RBFOX1: variants seen among roughly 807,000 people sequenced by gnomAD.
The protein encoded by RBFOX1 is RNA binding fox-1 homolog 1.
In RBFOX1, 8 loss-of-function variants were observed where a neutral mutation model predicts 57.7. That is an observed-to-expected ratio of 0.14 (90% confidence interval 0.08 to 0.25). The LOEUF is 0.25. Ranked by LOEUF, RBFOX1 falls within the 10% of genes least tolerant of loss-of-function variation. The pLI, the probability that RBFOX1 is intolerant of heterozygous loss-of-function variation, is 1.00. For missense variants in RBFOX1, 611 were observed against 548.5 expected (o/e 1.11, Z -1.14); for synonymous variants, 326 against 222.4 (o/e 1.47, Z -4.15).
rs184511144 is a variant in RBFOX1, at chr16:7,331,361, T to G, written c.28-186786T>G. 2.6e-3 allele frequency among the ~76,000 whole-genome samples: 392 copies of G among 152,286 alleles called. 4 individuals are homozygous for G. The highest frequency in any genetic ancestry group is 8.6e-3 in the African/African-American group (357 of 41,566). Reference sequence around the variant, plus strand: ...GAATGTTTCATTTTGAAGGTGATTTTCAGTGATTCCTGGGACTTGGGCATT... The same window carrying G: ...GAATGTTTCATTTTGAAGGTGATTTGCAGTGATTCCTGGGACTTGGGCATT... On this transcript the variant is annotated intron_variant, in intron 4 of 15. Coordinates refer to ENST00000550418, the MANE Select transcript of RBFOX1 (RefSeq NM_018723.4).
chr16:7,238,537 C>CA (rs35394472), intron 4 of RBFOX1, among the ~76,000 whole-genome samples: 101,107 of 151,984 alleles, frequency 0.67, 35,837 homozygotes, highest in African/African-American at 0.92. Flanking sequence ...TTGGGCTACA[C>CA]ACGCACCTTT....
intron 2 of RBFOX1, among the ~76,000 whole-genome samples, chr16:6,548,688 T>G (rs779229185): frequency 1.3e-5 from 2 of 152,150 alleles, no homozygotes; most frequent in Non-Finnish European, 2.9e-5. Context: ...GTCAGAAGAT[T>G]TCACGATGTC....
At chr16:5,333,273 A>C (rs1024958754) in intron 1 of RBFOX1, among the ~76,000 whole-genome samples, 1 of 152,220 alleles carries the variant, frequency 6.6e-6, no homozygotes, top group Non-Finnish European at 1.5e-5. Context: ...TCTGTGATTT[A>C]AATTTGGTTC....
At chr16:7,649,999 A>AGAGGAGGAGGG (rs1204826265) in intron 11 of RBFOX1, among the ~76,000 whole-genome samples, 1 of 52,468 alleles carries the variant, frequency 1.9e-5, no homozygotes, top group Non-Finnish European at 4.7e-5. Flanking sequence ...GGAGAAAGGA[A>AGAGGAGGAGGG]AAGGAGGAGG....
At chr16:7,529,915 A>C (rs192994772) in intron 5 of RBFOX1, among the ~76,000 whole-genome samples, 1 of 151,040 alleles carries the variant, frequency 6.6e-6, no homozygotes, top group East Asian at 2.0e-4. Context: ...AGGCGGAGGC[A>C]GGAGAATCAC....
At position 7,483,593 on chromosome 16, in the gene RBFOX1, G is replaced by A. The variant is rs577246293; in HGVS notation, c.28-34554G>A. Among the ~76,000 whole-genome samples, 7 of 152,254 alleles carry A rather than the reference G, an allele frequency of 4.6e-5. No individual in the cohort carries two copies. In the South Asian group the frequency reaches 1.5e-3, roughly 32 times the overall value. On this transcript the variant is annotated intron_variant, in intron 4 of 15. Coordinates refer to ENST00000550418, the MANE Select transcript of RBFOX1 (RefSeq NM_018723.4). Reference sequence around the variant, plus strand: ...CCTGAGGGTGGAGGTTTGAATTGAGGATACAGATAGGACAGTGTTCTTATT... The same window carrying A: ...CCTGAGGGTGGAGGTTTGAATTGAGAATACAGATAGGACAGTGTTCTTATT...
chr16:5,572,039 A>G (rs557952752), intron 2 of RBFOX1, among the ~76,000 whole-genome samples: 161 of 152,278 alleles, frequency 1.1e-3, no homozygotes, highest in Non-Finnish European at 2.0e-3. Context: ...GAGGAACACA[A>G]GAAGCCCTCC....
rs1348446630 is a variant in RBFOX1 at position 6,955,680 on chromosome 16, G to GGTATGTAT, written c.-15-96372_-15-96365dup. ...GCTACACCACCACTTTATTTATTTA[G>GGTATGTAT]GTATGTATGTATTTATTTATTTATT... On this transcript the variant is annotated intron_variant, in intron 3 of 15. Transcript: ENST00000550418. 4.2e-3 allele frequency among the ~76,000 whole-genome samples: 425 copies of GGTATGTAT among 101,208 alleles called. 3 individuals carry two copies. Among genetic ancestry groups the GGTATGTAT allele is most frequent in the African/African-American group, 0.014 (410 of 28,804 alleles). 66.4% of individuals were successfully genotyped at this position (101,208 alleles called of 152,430 possible).
chr16:7,633,397 C>T (rs976774938), intron 11 of RBFOX1, among the ~76,000 whole-genome samples: 4 of 152,212 alleles, frequency 2.6e-5, no homozygotes, highest in Admixed American at 1.3e-4. Flanking sequence ...ATTACCTGCA[C>T]ATTATATGCC....
intron 4 of RBFOX1, among the ~76,000 whole-genome samples, chr16:7,350,709 T>C (rs534104155): frequency 6.6e-6 from 1 of 152,200 alleles, no homozygotes; most frequent in Admixed American, 6.5e-5. Flanking sequence ...ATTTCTTTGA[T>C]CTTCATTGAC....
At chr16:7,056,523 A>G (rs190013312) in intron 4 of RBFOX1, among the ~76,000 whole-genome samples, 10 of 152,254 alleles carry the variant, frequency 6.6e-5, no homozygotes, top group African/African-American at 2.4e-4. Context: ...CCAATTATCA[A>G]CATTTACCTC....
chr16:6,008,226 A>AG (rs565906252), intron 4 of RBFOX1, among the ~76,000 whole-genome samples: 4 of 130,580 alleles, frequency 3.1e-5, no homozygotes, highest in Admixed American at 1.6e-4. Flanking sequence ...CCCCAAAAAA[A>AG]GGTAGTGTGT....
At chr16:6,893,405 A>G (rs536779343) in intron 3 of RBFOX1, among the ~76,000 whole-genome samples, 1 of 152,330 alleles carries the variant, frequency 6.6e-6, no homozygotes, top group African/African-American at 2.4e-5. Flanking sequence ...TCCCTGTACC[A>G]TGCCTTTACA....
At chr16:6,162,010 A>T (rs543812791) in intron 1 of RBFOX1, among the ~76,000 whole-genome samples, 1 of 152,144 alleles carries the variant, frequency 6.6e-6, no homozygotes, top group Admixed American at 6.5e-5. Context: ...TTTTTTTCTT[A>T]GTTATTAACC....
intron 1 of RBFOX1, among the ~76,000 whole-genome samples, chr16:5,283,858 C>T (rs544697106): frequency 6.6e-6 from 1 of 151,886 alleles, no homozygotes; most frequent in Non-Finnish European, 1.5e-5. Context: ...TTAGTTAAGA[C>T]TTTGGGGGAC....
rs144500273 is a variant in RBFOX1, at chr16:7,227,940, C to G, written c.27+175842C>G. Among the ~76,000 whole-genome samples, 184 of 152,290 alleles carry G rather than the reference C, an allele frequency of 1.2e-3. 2 individuals carry two copies. Among genetic ancestry groups the G allele is most frequent in the African/African-American group, 4.2e-3 (173 of 41,562 alleles). Reference sequence around the variant, plus strand: ...AGGATTTTTCCACAGCCAGACAATTCTTTGCGGTGAGGAGGCCACCCTGTG... The same window carrying G: ...AGGATTTTTCCACAGCCAGACAATTGTTTGCGGTGAGGAGGCCACCCTGTG... On this transcript the variant is annotated intron_variant, in intron 4 of 15. Transcript: ENST00000550418.
At chr16:7,633,903 T>C (rs1397962314) in intron 11 of RBFOX1, among the ~76,000 whole-genome samples, 2 of 152,348 alleles carry the variant, frequency 1.3e-5, no homozygotes, top group African/African-American at 4.8e-5. Flanking sequence ...GGTTTTTCTC[T>C]TCCAGATTAG....
intron 3 of RBFOX1, among the ~76,000 whole-genome samples, chr16:5,785,277 A>G (rs1451480751): frequency 6.6e-6 from 1 of 152,152 alleles, no homozygotes; most frequent in Non-Finnish European, 1.5e-5. Context: ...CTTAAATGGT[A>G]TGTGGCAGGA....
At chr16:6,435,778 A>G (rs1429643273) in intron 2 of RBFOX1, among the ~76,000 whole-genome samples, 35 of 152,086 alleles carry the variant, frequency 2.3e-4, no homozygotes, top group Admixed American at 2.2e-3. Flanking sequence ...TGGGGTCTAG[A>G]TTGTTCATTT....
Sources: allele counts gnomAD v4.1 joint callset (sites outside exome capture counted in the v4.1 genomes callset), GRCh38; gene constraint gnomAD v4.1.1; transcripts MANE v1.5; gene names NCBI Gene and HGNC (gene_info 2026-07-23, HGNC 2026-07-21).